The following CSGALNACT1 variants were observed in gnomAD, a reference collection of about 807,000 sequenced individuals.
The protein encoded by CSGALNACT1 is chondroitin sulfate N-acetylgalactosaminyltransferase 1.
CSGALNACT1 carries 52 observed loss-of-function variants against 51.0 expected under a neutral mutation model. The observed-to-expected ratio is 1.02, with a 90% CI of 0.82 to 1.29. The LOEUF (loss-of-function observed/expected upper bound fraction) is 1.29, where lower values mean the gene tolerates loss of function less well. CSGALNACT1 is among the 50% of genes most tolerant of loss of function. The pLI is 0.00. For synonymous variants in CSGALNACT1, 341 were observed against 254.4 expected (o/e 1.34, Z -3.24); for missense variants, 935 against 679.2 (o/e 1.38, Z -4.19).
intron 5 of CSGALNACT1, among the ~76,000 whole-genome samples, chr8:19,440,859 C>A (rs974326126): frequency 6.2e-4 from 94 of 152,290 alleles, no homozygotes; most frequent in African/African-American, 2.0e-3. Flanking sequence ...TGATAAGCAA[C>A]TTCAGCAAAG....
intron 1 of CSGALNACT1, among the ~76,000 whole-genome samples, chr8:19,754,861 A>T (rs1459403258): frequency 6.6e-6 from 1 of 152,208 alleles, no homozygotes; most frequent in Non-Finnish European, 1.5e-5. Context: ...TATAGGTTTT[A>T]TAAGACTGCT....
At chr8:19,505,022 G>T (rs1443667316) in intron 4 of CSGALNACT1, among the ~76,000 whole-genome samples, 179 bp downstream of exon 3, 1 of 152,146 alleles carries the variant, frequency 6.6e-6, no homozygotes, top group African/African-American at 2.4e-5. Flanking sequence ...AAAGTAAGTG[G>T]AAACAGATGT....
In CSGALNACT1 at chr8:19,754,845, C is replaced by T. The variant is rs575239037; in HGVS notation, c.-297+3005G>A. Among the ~76,000 whole-genome samples the T allele has an allele frequency of 5.2e-4, 79 of 152,282 alleles. No homozygotes were observed. In the South Asian group the frequency reaches 0.015, roughly 30 times the overall value. ...CTAGTGGCGAAGCTCCTCTCCAACC[C>T]GGCTTTATAGGTTTTATAAGACTGC... On this transcript the variant is annotated intron_variant, in intron 1 of 1. Transcript: ENST00000517494.
intron 1 of CSGALNACT1, among the ~76,000 whole-genome samples, chr8:19,748,323 G>A (rs2064810021): frequency 6.6e-6 from 1 of 152,170 alleles, no homozygotes; most frequent in Non-Finnish European, 1.5e-5. Context: ...TCTGGGATTA[G>A]TTTCCAAACC....
intron 1 of CSGALNACT1, among the ~76,000 whole-genome samples, chr8:19,694,700 A>G (rs2061499629): frequency 6.6e-6 from 1 of 152,198 alleles, no homozygotes; most frequent in East Asian, 1.9e-4. Context: ...TTGATCAACT[A>G]CCTTAATAAG....
chr8:19,620,987 C>T (rs2053752310), intron 1 of CSGALNACT1, among the ~76,000 whole-genome samples: 1 of 152,066 alleles, frequency 6.6e-6, no homozygotes, highest in Admixed American at 6.6e-5. Flanking sequence ...AAAATAGAAA[C>T]TTAACACCGT....
rs1439547772 is a variant in CSGALNACT1 at position 19,406,173 on chromosome 8, T to A, written c.1310-104A>T. The stretch of plus-strand genomic sequence containing the variant: ...TTCATTAAGACATGACTGGGGGGGA[T>A]GCGTGCTTCACCACCACCCCTCCAA... On this transcript the variant is annotated intron_variant, in intron 9 of 9. Transcript: ENST00000454498. 13 of 1,311,248 alleles carry A rather than the reference T, an allele frequency of 9.9e-6. No individual in the cohort carries two copies. The Admixed American group carries it at 1.2e-4, about 12-fold the overall frequency. The allele number at this position is 1,311,248 out of a possible 1,614,324, so 81.2% of individuals were successfully genotyped here.
At chr8:19,525,615 CAAAAAAAAAAAAAAAA>C (rs34787475) in intron 3 of CSGALNACT1, among the ~76,000 whole-genome samples, 30 of 20,386 alleles carry the variant, frequency 1.5e-3, no homozygotes, top group Non-Finnish European at 2.2e-3. Context: ...AAACTTGTCC[CAAAAAAAAAAAAAAAA>C]AAAAAAAAAA....
At chr8:19,525,150 C>T (rs2081416259) in intron 3 of CSGALNACT1, among the ~76,000 whole-genome samples, 1 of 152,190 alleles carries the variant, frequency 6.6e-6, no homozygotes, top group Non-Finnish European at 1.5e-5. Context: ...ATCTGCCAGG[C>T]CTGGCTCTCC....
At chr8:19,481,946 A>T (rs1459840912) in intron 4 of CSGALNACT1, among the ~76,000 whole-genome samples, 1 of 152,246 alleles carries the variant, frequency 6.6e-6, no homozygotes, top group African/African-American at 2.4e-5. Context: ...AAATGCTGGC[A>T]GGAGTGCAGG....
chr8:19,699,594 A>C (rs530259148), intron 1 of CSGALNACT1, among the ~76,000 whole-genome samples: 30 of 152,328 alleles, frequency 2.0e-4, no homozygotes, highest in African/African-American at 6.5e-4. Context: ...AGTCAGGTCC[A>C]TTGAGCTAGA....
At chr8:19,584,440 A>G (rs530366096) in intron 3 of CSGALNACT1, among the ~76,000 whole-genome samples, 1 of 152,348 alleles carries the variant, frequency 6.6e-6, no homozygotes, top group African/African-American at 2.4e-5. Context: ...TTGAATTAAG[A>G]GAAAGCTTAG....
intron 3 of CSGALNACT1, among the ~76,000 whole-genome samples, chr8:19,518,841 G>A (rs911173714): frequency 2.6e-5 from 4 of 152,176 alleles, no homozygotes; most frequent in Non-Finnish European, 4.4e-5. Context: ...GATCAGAGGT[G>A]TGAATCACCA....
intron 2 of CSGALNACT1, among the ~76,000 whole-genome samples, chr8:19,599,475 A>AGAAAGAAAGAAAGAAG (rs2049827624): frequency 2.8e-5 from 2 of 70,342 alleles, no homozygotes; most frequent in Non-Finnish European, 6.4e-5. Flanking sequence ...AGAAAGAAAA[A>AGAAAGAAAGAAAGAAG]GAAAGAAAGA....
chr8:19,636,856 C>A (rs1032434409), intron 1 of CSGALNACT1, among the ~76,000 whole-genome samples: 1 of 152,132 alleles, frequency 6.6e-6, no homozygotes, highest in African/African-American at 2.4e-5. Context: ...TTGTTTCACA[C>A]TGAAGAAAGC....
At position 19,464,036 on chromosome 8, in the gene CSGALNACT1, C is replaced by G. The variant is rs920700891; in HGVS notation, c.635-5394G>C. ...ACTCCTGACTCAGATTCCCCGCCCC[C>G]ACTGACATGCGTGCAGACGGGTTGT... On this transcript the variant is annotated intron_variant, in intron 4 of 9. Transcript: ENST00000454498. Among the ~76,000 whole-genome samples, 13 of 152,224 alleles carry G rather than the reference C, an allele frequency of 8.5e-5. No individual in the cohort carries two copies. The East Asian group carries it at 1.2e-3, about 14-fold the overall frequency.
At chr8:19,606,279 T>C (rs747185547), upstream of CSGALNACT1, among the ~76,000 whole-genome samples, 1 of 152,232 alleles carries the variant, frequency 6.6e-6, no homozygotes, top group Non-Finnish European at 1.5e-5. Context: ...TATATTTAAA[T>C]CTTAATGGTA....
upstream of CSGALNACT1, among the ~76,000 whole-genome samples, chr8:19,602,985 TATAC>T (rs1211251326): frequency 1.3e-5 from 2 of 150,992 alleles, no homozygotes; most frequent in African/African-American, 4.9e-5. Flanking sequence ...TATATATATA[TATAC>T]ATACATACAC....
chr8:19,411,568 C>T (rs2055743165), intron 8 of CSGALNACT1, among the ~76,000 whole-genome samples: 1 of 152,178 alleles, frequency 6.6e-6, no homozygotes, highest in Non-Finnish European at 1.5e-5. Context: ...GTGGTGAGAA[C>T]CTCTCAGAAT....
Sources: gnomAD v4.1 joint callset for allele counts (sites outside exome capture counted in the v4.1 genomes callset) on GRCh38, gnomAD v4.1.1 for gene constraint, MANE v1.5 for transcripts, NCBI Gene and HGNC (gene_info 2026-07-23, HGNC 2026-07-21) for gene names.